The following DCDC1 variants were observed in gnomAD, a reference collection of about 807,000 sequenced individuals.
The protein encoded by DCDC1 is doublecortin domain containing 1.
DCDC1 carries 200 observed loss-of-function variants against 178.3 expected under a neutral mutation model. The observed-to-expected ratio is 1.12, with a 90% CI of 1.00 to 1.26. DCDC1 has a LOEUF of 1.26. Among genes scored for constraint, DCDC1 ranks in the 50% most tolerant of loss-of-function variants. The pLI is 0.00. For missense variants in DCDC1, 1,983 were observed against 1,749.2 expected, an observed-to-expected ratio of 1.13 and a Z score of -2.38; for synonymous variants, 690 against 604.8, an observed-to-expected ratio of 1.14 and a Z score of -2.07.
Position 30,980,943 on chromosome 11 carries a change from C to A in DCDC1, c.2592-28375G>T, listed in dbSNP as rs566175617. On this transcript the variant is annotated intron_variant, in intron 20 of 38. Transcript: ENST00000684477. ...ACAGCACTGTTCACAATAGCAAAGT[C>A]ATGGAATTAACTTAATTGTCAACAG... is the stretch of plus-strand genomic sequence containing the variant. 2.0e-5 allele frequency among the ~76,000 whole-genome samples: 3 copies of A among 152,222 alleles called. No individual in the cohort carries two copies. In the East Asian group the frequency reaches 5.8e-4, roughly 29 times the overall value.
At chr11:30,880,699 G>C (rs928702166) in intron 37 of DCDC1, among the ~76,000 whole-genome samples, 1 of 151,894 alleles carries the variant, frequency 6.6e-6, no homozygotes, top group African/African-American at 2.4e-5. Flanking sequence ...TTCAATTTCT[G>C]TCATTTATCA....
intron 9 of DCDC1, among the ~76,000 whole-genome samples, chr11:31,232,293 G>C (rs993228257): frequency 2.6e-5 from 4 of 152,028 alleles, no homozygotes; most frequent in Non-Finnish European, 5.9e-5. Context: ...TGTTAATAGA[G>C]TTAATTTTAA....
chr11:31,307,869 A>G lies in DCDC1; in HGVS notation c.204T>C (p.Thr68=). ...MSSQAKAVIK[T]TDDYLQSQFG... ...ACTGAGACTGCAAATAATCATCAGT[A>G]GTTTTAATAACTGCTTTTGCCTGGG... Residue 68 remains threonine (T), a synonymous_variant, in exon 4 of 39, where the codon ACT becomes ACC. Transcript: ENST00000684477. The G allele has an allele frequency of 6.2e-7, 1 of 1,614,132 alleles. No homozygotes were observed. The highest frequency in any genetic ancestry group is 8.5e-7 in the Non-Finnish European group (1 of 1,179,982).
intron 8 of DCDC1, among the ~76,000 whole-genome samples, chr11:31,256,293 G>A (rs1944414246): frequency 6.6e-6 from 1 of 152,128 alleles, no homozygotes; most frequent in Non-Finnish European, 1.5e-5. Context: ...AAGGTTAAGA[G>A]TACAGTCCAA....
At chr11:30,983,904 A>G (rs370671654) in intron 20 of DCDC1, among the ~76,000 whole-genome samples, 1 of 152,158 alleles carries the variant, frequency 6.6e-6, no homozygotes, top group African/African-American at 2.4e-5. Context: ...GGTTATCTAA[A>G]TGGGCGATAT....
At chr11:31,121,332 T>C (rs1341801483) in intron 11 of DCDC1, among the ~76,000 whole-genome samples, 5 of 150,974 alleles carry the variant, frequency 3.3e-5, no homozygotes, top group African/African-American at 1.2e-4. Context: ...CTAAAATTCC[T>C]CAAATGGTGT....
At chr11:31,034,856 AC>A (rs1271911205) in intron 20 of DCDC1, among the ~76,000 whole-genome samples, 1 of 152,186 alleles carries the variant, frequency 6.6e-6, no homozygotes, top group Non-Finnish European at 1.5e-5. Flanking sequence ...ACAAAAAGTC[AC>A]CTTGTCTCAC....
chr11:30,913,273 T>C (rs1392832628), intron 27 of DCDC1, among the ~76,000 whole-genome samples: 1 of 151,958 alleles, frequency 6.6e-6, no homozygotes, highest in Non-Finnish European at 1.5e-5. Flanking sequence ...CTGGGCGTGG[T>C]GGCGGGTGCC....
intron 9 of DCDC1, among the ~76,000 whole-genome samples, chr11:31,201,809 G>A (rs908756292): frequency 2.6e-5 from 4 of 152,120 alleles, no homozygotes; most frequent in Admixed American, 2.0e-4. Context: ...AAATAAGACA[G>A]TTGGGAGGAA....
chr11:31,359,211 T>C (rs1951568760), intron 1 of DCDC1, among the ~76,000 whole-genome samples: 1 of 151,984 alleles, frequency 6.6e-6, no homozygotes, highest in Non-Finnish European at 1.5e-5. Flanking sequence ...TAGACTGGAT[T>C]AAGAAAATGT....
chr11:31,348,439 G>A (rs1260765976), intron 1 of DCDC1, among the ~76,000 whole-genome samples: 1 of 152,144 alleles, frequency 6.6e-6, no homozygotes, highest in Non-Finnish European at 1.5e-5. Flanking sequence ...ATGTACACTG[G>A]AAACACTTAG....
chr11:31,054,635 G>A (rs1205786896), intron 20 of DCDC1, among the ~76,000 whole-genome samples: 1 of 152,144 alleles, frequency 6.6e-6, no homozygotes, highest in African/African-American at 2.4e-5. Flanking sequence ...TGTAAAAATA[G>A]GCACATAGAC....
intron 10 of DCDC1, among the ~76,000 whole-genome samples, 169 bp downstream of exon 10, chr11:31,137,523 T>C (rs1340539321): frequency 6.6e-6 from 1 of 152,090 alleles, no homozygotes; most frequent in Non-Finnish European, 1.5e-5. Flanking sequence ...CTAATTTTTG[T>C]ATTTTTAGTA....
intron 20 of DCDC1, among the ~76,000 whole-genome samples, chr11:31,057,191 A>G (rs1019779732): frequency 6.7e-6 from 1 of 149,652 alleles, no homozygotes; most frequent in Admixed American, 6.7e-5. Flanking sequence ...CCGAGATGGC[A>G]CCACTGTACT....
At chr11:31,256,885 G>A (rs1944445678) in intron 8 of DCDC1, among the ~76,000 whole-genome samples, 1 of 152,102 alleles carries the variant, frequency 6.6e-6, no homozygotes, top group Non-Finnish European at 1.5e-5. Context: ...ATTGCATATG[G>A]CATTAGTATA....
At chr11:31,174,027 A>T (rs1414315910) in intron 9 of DCDC1, among the ~76,000 whole-genome samples, 1 of 152,034 alleles carries the variant, frequency 6.6e-6, no homozygotes, top group Admixed American at 6.5e-5. Flanking sequence ...CACCCTTCTG[A>T]GTTTTCAGGG....
intron 20 of DCDC1, among the ~76,000 whole-genome samples, chr11:30,962,860 G>A (rs896853262): frequency 2.0e-5 from 3 of 152,010 alleles, no homozygotes; most frequent in African/African-American, 7.2e-5. Flanking sequence ...CCCATAGTCA[G>A]AGTTTCATAC....
At chr11:31,274,404 T>C (rs7940632) in intron 7 of DCDC1, among the ~76,000 whole-genome samples, 105,003 of 152,056 alleles carry the variant, frequency 0.69, 37,285 homozygotes, top group East Asian at 0.95. Flanking sequence ...TAGTGCTGGA[T>C]AAAGACATTT....
At chr11:31,218,114 A>G (rs576059811) in intron 9 of DCDC1, among the ~76,000 whole-genome samples, 2 of 152,154 alleles carry the variant, frequency 1.3e-5, no homozygotes, top group African/African-American at 4.8e-5. Context: ...ATTTGCTTTA[A>G]GAAAAAAAAA....
Sources: allele counts gnomAD v4.1 joint callset (sites outside exome capture counted in the v4.1 genomes callset), GRCh38; gene constraint gnomAD v4.1.1; transcripts MANE v1.5; gene names NCBI Gene and HGNC (gene_info 2026-07-23, HGNC 2026-07-21).